The following GREB1 variants were observed in gnomAD, a reference collection of about 807,000 sequenced individuals.
GREB1 encodes growth regulating estrogen receptor binding 1, also known as protein GREB1.
GREB1 carries 106 observed loss-of-function variants against 200.7 expected under a neutral mutation model. That is an observed-to-expected ratio of 0.53 (90% CI 0.45 to 0.62). The LOEUF is 0.62. Ranked by LOEUF, GREB1 falls within the 20% of genes least tolerant of loss-of-function variation. The pLI is 0.00. For synonymous variants in GREB1, 1,132 were observed against 1,092.4 expected (o/e 1.04, Z -0.72); for missense variants, 2,243 against 2,556.8 (o/e 0.88, Z 2.65).
chr2:11,581,738 GA>G (rs1195412403), intron 7 of GREB1, among the ~76,000 whole-genome samples: 1 of 152,154 alleles, frequency 6.6e-6, no homozygotes, highest in African/African-American at 2.4e-5. Context: ...CATCAAACTG[GA>G]GGAGCCCTTA....
chr2:11,623,056 C>T (rs1003744320), intron 23 of GREB1, among the ~76,000 whole-genome samples: 7 of 152,202 alleles, frequency 4.6e-5, no homozygotes, highest in South Asian at 2.1e-4. Context: ...ATCCTTTGTG[C>T]GCATTTAAAA....
intron 1 of GREB1, among the ~76,000 whole-genome samples, chr2:11,538,177 G>A (rs367896568): frequency 6.6e-6 from 1 of 152,188 alleles, no homozygotes; most frequent in East Asian, 1.9e-4. Context: ...ACCCCTGCCT[G>A]GCGATGAAGG....
At chr2:11,529,243 A>G (rs1325846386), upstream of GREB1, among the ~76,000 whole-genome samples, 1 of 152,240 alleles carries the variant, frequency 6.6e-6, no homozygotes, top group Non-Finnish European at 1.5e-5. Flanking sequence ...TAAGAGCAAG[A>G]TATGACTATC....
intron 4 of GREB1, among the ~76,000 whole-genome samples, chr2:11,571,424 A>G (rs1053279418): frequency 1.3e-5 from 2 of 152,220 alleles, no homozygotes; most frequent in Non-Finnish European, 2.9e-5. Context: ...TGGAACAGCC[A>G]GTCCCATCTT....
intron 26 of GREB1, among the ~76,000 whole-genome samples, chr2:11,631,701 T>C (rs1684889653): frequency 6.6e-6 from 1 of 152,218 alleles, no homozygotes; most frequent in Non-Finnish European, 1.5e-5. Context: ...GTGTGGAACA[T>C]GTAAGTCCTC....
chr2:11,590,749 C>T (rs1004518879), intron 10 of GREB1, among the ~76,000 whole-genome samples: 2 of 152,132 alleles, frequency 1.3e-5, no homozygotes, highest in Non-Finnish European at 1.5e-5. Flanking sequence ...GTCCTTTTCC[C>T]GATGTCCCAT....
intron 4 of GREB1, among the ~76,000 whole-genome samples, chr2:11,576,123 G>A (rs898581614): frequency 2.1e-4 from 32 of 152,194 alleles, no homozygotes; most frequent in African/African-American, 7.0e-4. Flanking sequence ...GGCCAACATG[G>A]TGAAACCCCG....
At chr2:11,535,682 G>A (rs556787400) in intron 1 of GREB1, among the ~76,000 whole-genome samples, 5 of 152,226 alleles carry the variant, frequency 3.3e-5, no homozygotes, top group African/African-American at 1.2e-4. Flanking sequence ...TCTAGGATTC[G>A]GTGATTCAAG....
intron 1 of GREB1, among the ~76,000 whole-genome samples, chr2:11,545,674 T>C (rs1675206429): frequency 6.6e-6 from 1 of 152,216 alleles, no homozygotes; most frequent in Non-Finnish European, 1.5e-5. Context: ...TTGTTCCAAA[T>C]GTGTGACCTT....
chr2:11,624,341 C>CTTT (rs70955810), intron 23 of GREB1, among the ~76,000 whole-genome samples: 10 of 111,138 alleles, frequency 9.0e-5, no homozygotes, highest in African/African-American at 1.3e-4. Context: ...TACACAAATT[C>CTTT]TTTTTTTTTT....
At chr2:11,523,487 G>A (rs1198413078) in intron 1 of GREB1, among the ~76,000 whole-genome samples, 1 of 152,166 alleles carries the variant, frequency 6.6e-6, no homozygotes, top group Non-Finnish European at 1.5e-5. Context: ...CATGGTAGAT[G>A]GTCCATAAAA....
At chr2:11,634,691 T>C (rs939363334) in intron 29 of GREB1, among the ~76,000 whole-genome samples, 1 of 152,200 alleles carries the variant, frequency 6.6e-6, no homozygotes, top group Non-Finnish European at 1.5e-5. Flanking sequence ...GCAGAAGTGC[T>C]CACATCTCCA....
At chr2:11,503,918 G>T (rs1213112138) in intron 1 of GREB1, among the ~76,000 whole-genome samples, 1 of 152,114 alleles carries the variant, frequency 6.6e-6, no homozygotes, top group Non-Finnish European at 1.5e-5. Flanking sequence ...ACCATGGCTA[G>T]TACTGGACTA....
intron 1 of GREB1, among the ~76,000 whole-genome samples, chr2:11,515,141 C>CCCA (rs1673455456): frequency 2.0e-5 from 3 of 149,338 alleles, no homozygotes; most frequent in South Asian, 2.1e-4. Context: ...CATCCACCCA[C>CCCA]CCCCCATCCG....
intron 1 of GREB1, among the ~76,000 whole-genome samples, chr2:11,506,147 C>T (rs547244154): frequency 2.0e-5 from 3 of 152,192 alleles, no homozygotes; most frequent in South Asian, 4.2e-4. Context: ...GCACATGGTC[C>T]CCGTGCTCAC....
intron 1 of GREB1, among the ~76,000 whole-genome samples, chr2:11,506,412 C>T (rs1050933147): frequency 6.6e-6 from 1 of 152,046 alleles, no homozygotes; most frequent in African/African-American, 2.4e-5. Context: ...CACCTGAGGC[C>T]CAGGAATCAG....
intron 4 of GREB1, among the ~76,000 whole-genome samples, chr2:11,572,550 A>G (rs574786694): frequency 2.2e-4 from 33 of 152,232 alleles, no homozygotes; most frequent in South Asian, 1.5e-3. Flanking sequence ...CTTCCCTTTG[A>G]TGGTTGGAAC....
intron 17 of GREB1, among the ~76,000 whole-genome samples, chr2:11,607,055 A>G (rs757259127): frequency 6.0e-5 from 9 of 150,620 alleles, no homozygotes; most frequent in Non-Finnish European, 1.2e-4. Flanking sequence ...TGCTGGAATT[A>G]CAGGCGTGAG....
At chr2:11,516,238 A>G (rs1336602524) in intron 1 of GREB1, among the ~76,000 whole-genome samples, 1 of 152,082 alleles carries the variant, frequency 6.6e-6, no homozygotes, top group Non-Finnish European at 1.5e-5. Context: ...CTTTGATGCC[A>G]TCTACCAAGA....
Sources: allele counts gnomAD v4.1 joint callset (sites outside exome capture counted in the v4.1 genomes callset), GRCh38; gene constraint gnomAD v4.1.1; transcripts MANE v1.5; gene names NCBI Gene and HGNC (gene_info 2026-07-23, HGNC 2026-07-21).